DNAH3: variants seen among roughly 807,000 people sequenced by gnomAD.
DNAH3 encodes axonemal beta dynein heavy chain 3.
Under a neutral mutation model 432.5 loss-of-function variants are expected in DNAH3, and 332 were observed. That is an observed-to-expected ratio of 0.77 (90% CI 0.70 to 0.84). DNAH3 has a LOEUF of 0.84. Ranked by LOEUF, DNAH3 falls within the 40% of genes least tolerant of loss-of-function variation. The pLI, the probability that DNAH3 is intolerant of heterozygous loss-of-function variation, is 0.00. For synonymous variants in DNAH3, 1,956 were observed against 1,900.2 expected (o/e 1.03, Z -0.76); for missense variants, 4,861 against 5,114.0 (o/e 0.95, Z 1.51).
At chr16:21,016,554 G>C (rs535975548) in intron 41 of DNAH3, among the ~76,000 whole-genome samples, 1 of 152,144 alleles carries the variant, frequency 6.6e-6, no homozygotes, top group African/African-American at 2.4e-5. Context: ...TCTGTGTATC[G>C]CTGGTGGGAA....
chr16:20,978,281 C>G (rs771870048), intron 50 of DNAH3, among the ~76,000 whole-genome samples: 1 of 152,192 alleles, frequency 6.6e-6, no homozygotes, highest in Non-Finnish European at 1.5e-5. Flanking sequence ...GTAATCCCAG[C>G]ACTTTGGGAG....
chr16:21,155,094 C>T (rs1247884645), intron 1 of DNAH3, among the ~76,000 whole-genome samples: 3 of 151,678 alleles, frequency 2.0e-5, no homozygotes, highest in South Asian at 2.1e-4. Flanking sequence ...GGATTACAGG[C>T]GTGTGCTAAC....
rs775014159 is a variant in DNAH3, at chr16:20,944,484, G to A, written c.11511+12C>T. On this transcript the variant is annotated intron_variant, in intron 58 of 61. Transcript: ENST00000261383. ...GAAATAGGATTAAGCCCCCTTTCCC[G>A]AGCCCAGTTACCTGAGGGGACTTGC... 29 of 1,613,750 alleles carry A rather than the reference G, an allele frequency of 1.8e-5. No homozygotes were observed. Among genetic ancestry groups the A allele is most frequent in the African/African-American group, 2.7e-5 (2 of 74,908 alleles).
At chr16:21,004,569 T>C (rs1175697445) in intron 41 of DNAH3, among the ~76,000 whole-genome samples, 2 of 152,142 alleles carry the variant, frequency 1.3e-5, no homozygotes, top group East Asian at 1.9e-4. Context: ...GGTTTTGCCA[T>C]GTTGGCCAGG....
intron 21 of DNAH3, among the ~76,000 whole-genome samples, chr16:21,071,124 C>T (rs540245078): frequency 1.5e-4 from 23 of 151,954 alleles, no homozygotes; most frequent in African/African-American, 5.3e-4. Context: ...CTCACTGCAA[C>T]GTCCACCTCC....
intron 42 of DNAH3, among the ~76,000 whole-genome samples, 170 bp downstream of exon 42, chr16:21,002,934 T>A (rs954484009): frequency 6.6e-6 from 1 of 152,182 alleles, no homozygotes; most frequent in African/African-American, 2.4e-5. Flanking sequence ...ATGCTGTGTC[T>A]CTCTGATTCT....
chr16:20,952,861 C>T (rs897563200), intron 55 of DNAH3, among the ~76,000 whole-genome samples: 50 of 152,138 alleles, frequency 3.3e-4, no homozygotes, highest in Non-Finnish European at 7.4e-5. Context: ...ATGCACGGAG[C>T]TCCAAAAATA....
chr16:21,019,150 ATTT>A (rs780974726), intron 41 of DNAH3: 2 of 84,012 alleles, frequency 2.4e-5, no homozygotes, highest in Non-Finnish European at 4.5e-5. Context: ...GGCCAACTCT[ATTT>A]TTTTTTTTTT....
At chr16:21,078,662 C>T (rs1241610148) in intron 20 of DNAH3, among the ~76,000 whole-genome samples, 1 of 152,160 alleles carries the variant, frequency 6.6e-6, no homozygotes, top group African/African-American at 2.4e-5. Context: ...TTAAATAAGA[C>T]CAAATGCTGG....
intron 23 of DNAH3, among the ~76,000 whole-genome samples, chr16:21,067,878 G>C (rs2090628976): frequency 2.0e-5 from 3 of 151,478 alleles, no homozygotes; most frequent in Admixed American, 1.3e-4. Context: ...GAGGCTTCTG[G>C]GTTCTAGATC....
chr16:21,129,346 C>G (rs891027864), intron 7 of DNAH3: 2 of 152,592 alleles, frequency 1.3e-5, no homozygotes, highest in South Asian at 2.1e-4. Flanking sequence ...GTCACCTTCA[C>G]AGTAAAGGCT....
At chr16:21,083,295 C>T (rs1043549989) in intron 19 of DNAH3, among the ~76,000 whole-genome samples, 43 of 152,144 alleles carry the variant, frequency 2.8e-4, no homozygotes, top group African/African-American at 1.0e-3. Context: ...GGATTACAGG[C>T]GTGAGCCACT....
chr16:21,001,400 G>A (rs1249162260), intron 42 of DNAH3, among the ~76,000 whole-genome samples: 1 of 152,146 alleles, frequency 6.6e-6, no homozygotes, highest in African/African-American at 2.4e-5. Flanking sequence ...TGGGGCCACT[G>A]TGTTGTACAA....
chr16:21,009,421 A>T (rs1323811217), intron 41 of DNAH3, among the ~76,000 whole-genome samples: 1 of 152,228 alleles, frequency 6.6e-6, no homozygotes, highest in Non-Finnish European at 1.5e-5. Flanking sequence ...GGTGGTATGA[A>T]CAAAGAGATA....
intron 41 of DNAH3, among the ~76,000 whole-genome samples, chr16:21,009,466 G>A (rs190475690): frequency 2.6e-5 from 4 of 152,252 alleles, no homozygotes; most frequent in South Asian, 2.1e-4. Context: ...GAATAGAATC[G>A]CTTTTACAAT....
exon 45 of DNAH3, chr16:20,987,993 C>T (rs1221678323): frequency 6.2e-7 from 1 of 1,614,042 alleles, no homozygotes; most frequent in Admixed American, 1.7e-5. Flanking sequence ...AACAATCGAA[C>T]TGAAAATCTT....
At chr16:21,101,064 C>T (rs574281591) in intron 16 of DNAH3, among the ~76,000 whole-genome samples, 2 of 152,146 alleles carry the variant, frequency 1.3e-5, no homozygotes, top group East Asian at 1.9e-4. Flanking sequence ...AAACCTATTG[C>T]AATTTGAAAA....
rs61475224 is a variant in DNAH3, at chr16:20,984,029, G to GAAAAAAA, written c.7665+1041_7665+1047dup. On this transcript the variant is annotated intron_variant, in intron 48 of 61. Coordinates refer to ENST00000261383, the Ensembl canonical transcript of DNAH3. Reference sequence around the variant, plus strand: ...GTGACAGAGCAAGACCCTATATCCAGAAAAAAAAAAAAAAAAGACAGAAAG... The same window carrying GAAAAAAA: ...GTGACAGAGCAAGACCCTATATCCAGAAAAAAAAAAAAAAAAAAAAAAAGACAGAAAG... 6.0e-3 allele frequency among the ~76,000 whole-genome samples: 673 copies of GAAAAAAA among 112,060 alleles called. 12 individuals carry two copies. The highest frequency in any genetic ancestry group is 0.056 in the South Asian group (182 of 3,274). The allele number at this position is 112,060 out of a possible 152,430, so 73.5% of individuals were successfully genotyped here.
intron 38 of DNAH3, 127 bp from the exon 39 acceptor site, chr16:21,024,828 GTCCC>G: frequency 1.3e-6 from 1 of 745,764 alleles, no homozygotes. Context: ...CAATAACCTA[GTCCC>G]CTGGGTTTAC....
Sources: allele counts gnomAD v4.1 joint callset (sites outside exome capture counted in the v4.1 genomes callset), GRCh38; gene constraint gnomAD v4.1.1; transcripts MANE v1.5; gene names NCBI Gene and HGNC (gene_info 2026-07-23, HGNC 2026-07-21).